The following RARB variants were observed in gnomAD, a reference collection of about 807,000 sequenced individuals.
The protein encoded by RARB is retinoic acid receptor beta, also known as HBV-activated protein.
A neutral mutation model predicts 51.9 loss-of-function variants in RARB; 17 were observed. The observed-to-expected ratio is 0.33, with a 90% CI of 0.22 to 0.49. The LOEUF (loss-of-function observed/expected upper bound fraction) is 0.49, where lower values mean the gene tolerates loss of function less well. Among genes scored for constraint, RARB ranks in the 20% least tolerant of loss-of-function variants. The pLI, the probability that RARB is intolerant of heterozygous loss-of-function variation, is 0.99. For missense variants in RARB, 369 were observed against 550.8 expected, an observed-to-expected ratio of 0.67 and a Z score of 3.30; for synonymous variants, 215 against 195.4, an observed-to-expected ratio of 1.10 and a Z score of -0.84.
intron 1 of RARB, among the ~76,000 whole-genome samples, chr3:24,853,270 T>A (rs896882161): frequency 6.6e-6 from 1 of 152,006 alleles, no homozygotes; most frequent in African/African-American, 2.4e-5. Flanking sequence ...TGAGCCCAGA[T>A]CGCGCCACTG....
chr3:25,349,240 A>T (rs1037381704), intron 5 of RARB, among the ~76,000 whole-genome samples: 1 of 152,164 alleles, frequency 6.6e-6, no homozygotes, highest in Non-Finnish European at 1.5e-5. Context: ...ATGTTTCCCC[A>T]GGGTGAATTA....
intron 5 of RARB, among the ~76,000 whole-genome samples, chr3:25,383,932 A>G (rs2125481632): frequency 6.7e-6 from 1 of 148,506 alleles, no homozygotes; most frequent in South Asian, 2.1e-4. Flanking sequence ...CTTTGTCTCA[A>G]AAAAAAAAAA....
intron 5 of RARB, among the ~76,000 whole-genome samples, chr3:25,361,881 T>C (rs1473810464): frequency 6.6e-6 from 1 of 152,120 alleles, no homozygotes; most frequent in Non-Finnish European, 1.5e-5. Context: ...ACCAGCCATA[T>C]GCCAGCTGGA....
intron 2 of RARB, among the ~76,000 whole-genome samples, chr3:24,963,478 C>T (rs945795407): frequency 6.7e-6 from 1 of 148,480 alleles, no homozygotes; most frequent in African/African-American, 2.5e-5. Context: ...TTTGGTCTTA[C>T]TCTCGCCTCC....
chr3:24,877,569 A>T (rs1271123433), intron 2 of RARB, among the ~76,000 whole-genome samples: 1 of 152,156 alleles, frequency 6.6e-6, no homozygotes, highest in Non-Finnish European at 1.5e-5. Context: ...GACCACAGCC[A>T]AGATACCAGG....
intron 1 of RARB, among the ~76,000 whole-genome samples, chr3:24,841,091 AT>A: frequency 6.6e-6 from 1 of 152,332 alleles, no homozygotes; most frequent in African/African-American, 2.4e-5. Context: ...TTGGCTGTAG[AT>A]AAGTGTCCAG....
At chr3:25,416,574 T>C (rs1173797229) in intron 5 of RARB, among the ~76,000 whole-genome samples, 1 of 152,212 alleles carries the variant, frequency 6.6e-6, no homozygotes, top group Non-Finnish European at 1.5e-5. Flanking sequence ...AAGGTACAGA[T>C]TGTAAATATT....
At chr3:25,230,473 G>A (rs1238689026) in intron 5 of RARB, among the ~76,000 whole-genome samples, 1 of 151,850 alleles carries the variant, frequency 6.6e-6, no homozygotes, top group East Asian at 1.9e-4. Context: ...AACATAAATT[G>A]TTACTCAACC....
In RARB at chr3:24,991,458, A is replaced by AAG. The variant is rs1319839743; in HGVS notation, c.-379-68665_-379-68664dup. The stretch of plus-strand genomic sequence containing the variant: ...AACTCTGTCTCAAAAAAAAAAGAAA[A>AAG]AGAAAAAGAAAAAGAAAAAAATTAG... On this transcript the variant is annotated intron_variant, in intron 2 of 11. Transcript: ENST00000383772. Among the ~76,000 whole-genome samples, 310 of 147,722 alleles carry AAG rather than the reference A, an allele frequency of 2.1e-3. 3 individuals carry two copies. Among genetic ancestry groups the AAG allele is most frequent in the African/African-American group, 7.3e-3 (284 of 38,920 alleles).
chr3:24,852,333 A>C (rs1050499575), intron 1 of RARB, among the ~76,000 whole-genome samples: 1 of 152,210 alleles, frequency 6.6e-6, no homozygotes, highest in African/African-American at 2.4e-5. Context: ...GTGGCTCCAC[A>C]CCGAACCCAC....
At chr3:25,361,738 C>G (rs776665108) in intron 5 of RARB, among the ~76,000 whole-genome samples, 2 of 152,228 alleles carry the variant, frequency 1.3e-5, no homozygotes, top group Non-Finnish European at 2.9e-5. Context: ...AGTCGGTCCC[C>G]TCTTCTGCAG....
intron 2 of RARB, among the ~76,000 whole-genome samples, chr3:25,036,462 A>T (rs1697997511): frequency 6.6e-6 from 1 of 152,202 alleles, no homozygotes; most frequent in Non-Finnish European, 1.5e-5. Flanking sequence ...AACTAGACTA[A>T]TAGACCATCT....
chr3:25,171,642 G>GAAAAAAAAAAAAA (rs1559491263), intron 4 of RARB, among the ~76,000 whole-genome samples: 3 of 2,366 alleles, frequency 1.3e-3, no homozygotes, highest in Middle Eastern at 0.083. Context: ...TCCCTGGTTG[G>GAAAAAAAAAAAAA]TAAAAAAAAA....
chr3:25,202,958 G>T (rs889052092), intron 5 of RARB, among the ~76,000 whole-genome samples: 1 of 152,108 alleles, frequency 6.6e-6, no homozygotes, highest in African/African-American at 2.4e-5. Flanking sequence ...GGTCTGCTTG[G>T]TGCAGAGCTG....
chr3:25,486,048 T>C (rs1316468191), intron 2 of RARB, among the ~76,000 whole-genome samples: 3 of 152,226 alleles, frequency 2.0e-5, no homozygotes, highest in African/African-American at 7.2e-5. Flanking sequence ...TATGATGCAG[T>C]TCCATTTTGT....
chr3:25,515,812 A>C (rs1016965622), intron 3 of RARB, among the ~76,000 whole-genome samples: 1 of 152,224 alleles, frequency 6.6e-6, no homozygotes. Flanking sequence ...TGGACATTCT[A>C]AACTTTAATC....
At chr3:25,531,357 T>TA (rs1698899790) in intron 3 of RARB, among the ~76,000 whole-genome samples, 1 of 146,610 alleles carries the variant, frequency 6.8e-6, no homozygotes. Context: ...GGGAGATCGA[T>TA]ATACAGATAG....
At chr3:24,965,383 G>A (rs1371452592) in intron 2 of RARB, among the ~76,000 whole-genome samples, 1 of 152,160 alleles carries the variant, frequency 6.6e-6, no homozygotes, top group Non-Finnish European at 1.5e-5. Flanking sequence ...GAAGGCTGAT[G>A]ACTGTCTCTC....
chr3:25,467,855 A>G (rs1219919963), intron 2 of RARB, among the ~76,000 whole-genome samples: 3 of 152,230 alleles, frequency 2.0e-5, no homozygotes, highest in African/African-American at 7.2e-5. Context: ...GGTGCTAGAG[A>G]TACAACAGTG....
Sources: gnomAD v4.1 joint callset for allele counts (sites outside exome capture counted in the v4.1 genomes callset) on GRCh38, gnomAD v4.1.1 for gene constraint, MANE v1.5 for transcripts, NCBI Gene and HGNC (gene_info 2026-07-23, HGNC 2026-07-21) for gene names.